Variants in PDS5B observed in about 807,000 individuals in gnomAD.
The protein encoded by PDS5B is sister chromatid cohesion protein PDS5 homolog B.
In PDS5B, 51 loss-of-function variants were observed where a neutral mutation model predicts 184.1. The ratio of observed to expected loss-of-function variants is 0.28; its 90% CI spans 0.22 to 0.35. The LOEUF (loss-of-function observed/expected upper bound fraction) is 0.35. PDS5B is among the 10% of genes least tolerant of loss of function. PDS5B has a pLI of 1.00. For synonymous variants in PDS5B, 566 were observed against 569.2 expected (o/e 0.99, Z 0.08); for missense variants, 1,180 against 1,723.3 (o/e 0.68, Z 5.58).
intron 19 of PDS5B, among the ~76,000 whole-genome samples, chr13:32,717,454 G>A (rs1651886818): frequency 6.9e-6 from 1 of 145,110 alleles, no homozygotes; most frequent in Non-Finnish European, 1.5e-5. Context: ...ATTAAGGGCG[G>A]TGCAAGATGT....
intron 13 of PDS5B, among the ~76,000 whole-genome samples, chr13:32,692,414 C>CTAT (rs1593440334): frequency 8.7e-5 from 6 of 69,124 alleles, no homozygotes; most frequent in African/African-American, 3.0e-4. Flanking sequence ...GTCCAAAAAG[C>CTAT]CTTTTTTTTT....
chr13:32,611,689 T>G (rs1344537072), intron 1 of PDS5B, among the ~76,000 whole-genome samples: 1 of 151,608 alleles, frequency 6.6e-6, no homozygotes, highest in Non-Finnish European at 1.5e-5. Context: ...TTGTATTTTT[T>G]GTAGATACGG....
intron 1 of PDS5B, among the ~76,000 whole-genome samples, chr13:32,624,581 T>G (rs2058345076): frequency 1.3e-5 from 2 of 152,228 alleles, no homozygotes; most frequent in African/African-American, 4.8e-5. Context: ...GGTTATAATA[T>G]CTGAATTCAT....
intron 1 of PDS5B, among the ~76,000 whole-genome samples, chr13:32,606,081 T>G (rs2058056166): frequency 6.6e-6 from 1 of 152,186 alleles, no homozygotes; most frequent in African/African-American, 2.4e-5. Context: ...GAGGTTAATA[T>G]TGTTATGTGT....
At chr13:32,619,221 T>C (rs1202523831) in intron 1 of PDS5B, among the ~76,000 whole-genome samples, 4 of 152,166 alleles carry the variant, frequency 2.6e-5, no homozygotes, top group East Asian at 3.8e-4. Flanking sequence ...CTTTATGATA[T>C]AGACATAGTA....
chr13:32,641,525 C>T (rs1481069902), intron 1 of PDS5B, among the ~76,000 whole-genome samples: 2 of 152,154 alleles, frequency 1.3e-5, no homozygotes, highest in South Asian at 2.1e-4. Flanking sequence ...ACATTTTTGC[C>T]TAGGTTTTTG....
At chr13:32,586,878 G>C (rs1156788788) in intron 1 of PDS5B, among the ~76,000 whole-genome samples, 1 of 4,204 alleles carries the variant, frequency 2.4e-4, no homozygotes, top group East Asian at 6.8e-3. Context: ...TTCTGCCGCA[G>C]CCTCTGGAAA....
In PDS5B at chr13:32,699,758, G is replaced by A; in HGVS notation, c.1629G>A (p.Gln543=). Residue 543 remains glutamine, a synonymous_variant, in exon 16 of 35, where the codon CAG becomes CAA. Coordinates refer to ENST00000315596, the MANE Select transcript of PDS5B (RefSeq NM_015032.4). ...TRNLPDPGKA[Q]DFMKKFTQVL... is the part of the protein sequence containing the mutation. ...ATTTACCTGATCCTGGTAAGGCTCA[G>A]GATTTCATGAAGAAATTCACACAGG... 6.4e-7 allele frequency: 1 copy of A among 1,556,076 alleles called. No homozygotes were observed. The highest frequency in any genetic ancestry group is 8.7e-7 in the Non-Finnish European group (1 of 1,156,060).
chr13:32,709,559 T>G (rs1952134751), intron 18 of PDS5B, among the ~76,000 whole-genome samples: 1 of 152,132 alleles, frequency 6.6e-6, no homozygotes, highest in Non-Finnish European at 1.5e-5. Context: ...TATTCTCCTC[T>G]TCTTCAGTCT....
At chr13:32,756,161 T>C (rs1244755943) in intron 26 of PDS5B, among the ~76,000 whole-genome samples, 3 of 152,172 alleles carry the variant, frequency 2.0e-5, no homozygotes, top group Admixed American at 2.0e-4. Context: ...AACTTAATCA[T>C]AATTATTATA....
At chr13:32,605,175 A>T (rs955238644) in intron 1 of PDS5B, among the ~76,000 whole-genome samples, 1 of 152,164 alleles carries the variant, frequency 6.6e-6, no homozygotes, top group African/African-American at 2.4e-5. Flanking sequence ...TGTCAATTTT[A>T]CATCTTTCCT....
At chr13:32,763,491 G>A (rs987190846) in intron 30 of PDS5B, 2 of 152,114 alleles carry the variant, frequency 1.3e-5, no homozygotes, top group Non-Finnish European at 1.5e-5. Flanking sequence ...AAAACAAGGA[G>A]TTTGATGTCT....
intron 1 of PDS5B, among the ~76,000 whole-genome samples, chr13:32,605,560 T>G (rs2058047513): frequency 6.6e-6 from 1 of 152,114 alleles, no homozygotes; most frequent in Non-Finnish European, 1.5e-5. Context: ...TGATTTGGGG[T>G]GGAGAGTTCT....
At chr13:32,717,226 A>G (rs1394174368) in intron 19 of PDS5B, among the ~76,000 whole-genome samples, 2 of 152,144 alleles carry the variant, frequency 1.3e-5, no homozygotes, top group African/African-American at 2.4e-5. Flanking sequence ...CATGATGACA[A>G]TGGCGGTTTT....
At chr13:32,634,567 G>T (rs1371832973) in intron 1 of PDS5B, among the ~76,000 whole-genome samples, 2 of 146,788 alleles carry the variant, frequency 1.4e-5, no homozygotes, top group East Asian at 2.0e-4. Flanking sequence ...AGGTCATATT[G>T]TAAGTTTACA....
In PDS5B at chr13:32,735,095, A is replaced by G. The variant is rs887590695; in HGVS notation, c.2248-77A>G. On this transcript the variant is annotated intron_variant, in intron 20 of 34. Coordinates refer to ENST00000315596, the MANE Select transcript of PDS5B (RefSeq NM_015032.4). The stretch of plus-strand genomic sequence containing the variant: ...AATAAATTACAAAATAAATTTTGTA[A>G]TTTGAAAATGAAATATGTAAACAGT... 6.9e-6 allele frequency: 6 copies of G among 864,060 alleles called. No homozygotes were observed. In the Admixed American group the frequency reaches 1.2e-4, roughly 17 times the overall value. The allele number at this position is 864,060 out of a possible 1,614,324, so 53.5% of individuals were successfully genotyped here.
chr13:32,692,730 T>C (rs1951590862), intron 13 of PDS5B, among the ~76,000 whole-genome samples: 1 of 152,068 alleles, frequency 6.6e-6, no homozygotes, highest in African/African-American at 2.4e-5. Flanking sequence ...TTTCCTATTG[T>C]AATACTGCTT....
chr13:32,740,426 G>T (rs999754592), intron 21 of PDS5B, among the ~76,000 whole-genome samples: 1 of 152,124 alleles, frequency 6.6e-6, no homozygotes, highest in Non-Finnish European at 1.5e-5. Flanking sequence ...GTGTTTGAGG[G>T]AGTTTGCCTT....
intron 1 of PDS5B, among the ~76,000 whole-genome samples, chr13:32,597,063 C>T (rs1333097137): frequency 1.3e-5 from 2 of 151,758 alleles, no homozygotes; most frequent in African/African-American, 2.4e-5. Context: ...TTTGAGACAG[C>T]GTCTCACTCT....
Sources: gnomAD v4.1 joint callset for allele counts (sites outside exome capture counted in the v4.1 genomes callset) on GRCh38, gnomAD v4.1.1 for gene constraint, MANE v1.5 for transcripts, NCBI Gene and HGNC (gene_info 2026-07-23, HGNC 2026-07-21) for gene names.